The following AGBL4 variants were observed in gnomAD, a reference collection of about 807,000 sequenced individuals.
AGBL4 encodes the protein AGBL carboxypeptidase 4, also known as cytosolic carboxypeptidase 6.
In AGBL4, 58 loss-of-function variants were observed where a neutral mutation model predicts 66.4. That is an observed-to-expected ratio of 0.87 (90% CI 0.71 to 1.09). The LOEUF (loss-of-function observed/expected upper bound fraction) is 1.09, where lower values mean the gene tolerates loss of function less well. AGBL4 is among the 50% of genes least tolerant of loss of function. AGBL4 has a pLI of 0.00. For synonymous variants in AGBL4, 234 were observed against 222.9 expected (o/e 1.05, Z -0.44); for missense variants, 579 against 631.0 (o/e 0.92, Z 0.88).
At chr1:49,828,447 A>G (rs1645567305) in intron 2 of AGBL4, among the ~76,000 whole-genome samples, 1 of 152,182 alleles carries the variant, frequency 6.6e-6, no homozygotes, top group Non-Finnish European at 1.5e-5. Flanking sequence ...GGAGGTGATC[A>G]GAATTCCAGA....
At position 49,437,683 on chromosome 1, in the gene AGBL4, T is replaced by C. The variant is rs531776954; in HGVS notation, c.283-191819A>G. Among the ~76,000 whole-genome samples, 5 of 152,310 alleles carry C rather than the reference T, an allele frequency of 3.3e-5. 1 individual carries two copies. The East Asian group carries it at 9.6e-4, about 29-fold the overall frequency. On this transcript the variant is annotated intron_variant, in intron 3 of 13. Transcript: ENST00000371839. ...AAATCCCAAATCTATGTGTGAAAGT[T>C]GGAGGAAAGGCAACTTTAAGAATGC...
intron 9 of AGBL4, among the ~76,000 whole-genome samples, chr1:48,606,461 G>A (rs1317272873): frequency 6.6e-6 from 1 of 152,116 alleles, no homozygotes; most frequent in African/African-American, 2.4e-5. Flanking sequence ...ATAAAGTCTC[G>A]GTTTCTATGA....
chr1:49,976,498 G>A (rs1013478095), intron 1 of AGBL4, among the ~76,000 whole-genome samples: 1 of 152,146 alleles, frequency 6.6e-6, no homozygotes, highest in Non-Finnish European at 1.5e-5. Flanking sequence ...AAATCACTGG[G>A]TAGCCCATTT....
chr1:49,672,066 CACAG>C (rs1646486750), intron 3 of AGBL4, among the ~76,000 whole-genome samples: 1 of 152,074 alleles, frequency 6.6e-6, no homozygotes, highest in Admixed American at 6.6e-5. Flanking sequence ...TTCACAATAG[CACAG>C]ACATAGAATC....
In AGBL4 at chr1:49,348,243, C is replaced by G. The variant is rs553455436; in HGVS notation, c.283-102379G>C. Among the ~76,000 whole-genome samples, 341 of 152,050 alleles carry G rather than the reference C, an allele frequency of 2.2e-3. 4 individuals are homozygous for G. The highest frequency in any genetic ancestry group is 7.9e-3 in the African/African-American group (328 of 41,496). On this transcript the variant is annotated intron_variant, in intron 3 of 13. Transcript: ENST00000371839. ...ACCATCCTGGTTAACACGGTGAACC[C>G]CTGTCTCTACTAAAAATACAAAAAA...
At chr1:49,051,781 AC>A (rs1252116056) in intron 4 of AGBL4, among the ~76,000 whole-genome samples, 1 of 152,158 alleles carries the variant, frequency 6.6e-6, no homozygotes, top group Non-Finnish European at 1.5e-5. Context: ...TGTCACCAGC[AC>A]ATCTATTCTT....
At chr1:49,207,326 G>A (rs141994875) in intron 4 of AGBL4, among the ~76,000 whole-genome samples, 3 of 152,050 alleles carry the variant, frequency 2.0e-5, no homozygotes, top group Non-Finnish European at 4.4e-5. Context: ...TTTGAGGGAG[G>A]ATCAAAAGCC....
intron 3 of AGBL4, among the ~76,000 whole-genome samples, chr1:49,685,390 G>C (rs1482431303): frequency 6.6e-6 from 1 of 152,090 alleles, no homozygotes; most frequent in Non-Finnish European, 1.5e-5. Flanking sequence ...TATGGTAGAA[G>C]GATTTATATT....
At chr1:49,041,517 A>G (rs1334784977) in intron 5 of AGBL4, among the ~76,000 whole-genome samples, 1 of 152,032 alleles carries the variant, frequency 6.6e-6, no homozygotes, top group African/African-American at 2.4e-5. Context: ...TTGGGTGTTA[A>G]ACTGTCCATC....
chr1:48,955,878 C>G (rs114814254), intron 5 of AGBL4, among the ~76,000 whole-genome samples: 1,650 of 152,320 alleles, frequency 0.011, 32 homozygotes, highest in African/African-American at 0.038. Context: ...AAATGTCCAG[C>G]AAACCATGTG....
At chr1:49,347,556 C>T (rs556422620) in intron 3 of AGBL4, among the ~76,000 whole-genome samples, 7 of 151,958 alleles carry the variant, frequency 4.6e-5, no homozygotes, top group African/African-American at 1.2e-4. Flanking sequence ...TATTTCTTTA[C>T]TTTCTTAATA....
chr1:49,537,660 C>T (rs1202979372), intron 3 of AGBL4, among the ~76,000 whole-genome samples: 1 of 152,300 alleles, frequency 6.6e-6, no homozygotes, highest in East Asian at 1.9e-4. Context: ...CATGGTGGCT[C>T]ACGCCTGTAA....
intron 4 of AGBL4, among the ~76,000 whole-genome samples, chr1:49,088,120 C>T (rs950699513): frequency 6.6e-6 from 1 of 152,076 alleles, no homozygotes; most frequent in Admixed American, 6.6e-5. Context: ...TTCCTGGCCA[C>T]CACAAAAACA....
At chr1:48,794,853 T>C (rs1481530366) in intron 6 of AGBL4, among the ~76,000 whole-genome samples, 1 of 152,172 alleles carries the variant, frequency 6.6e-6, no homozygotes, top group Non-Finnish European at 1.5e-5. Flanking sequence ...GGCATACAGC[T>C]GCTTACTAGA....
At chr1:49,918,402 A>C (rs552043876) in intron 1 of AGBL4, among the ~76,000 whole-genome samples, 79 of 152,304 alleles carry the variant, frequency 5.2e-4, no homozygotes, top group Admixed American at 9.8e-4. Context: ...GATAAAGGGG[A>C]TATCACCACC....
chr1:48,786,636 TG>T (rs2148724401), intron 6 of AGBL4, among the ~76,000 whole-genome samples: 1 of 152,328 alleles, frequency 6.6e-6, no homozygotes, highest in African/African-American at 2.4e-5. Flanking sequence ...ACATTATCTG[TG>T]GTTTCTTAAA....
chr1:49,369,866 TA>T (rs1254736458), intron 3 of AGBL4, among the ~76,000 whole-genome samples: 1 of 151,854 alleles, frequency 6.6e-6, no homozygotes, highest in Non-Finnish European at 1.5e-5. Context: ...GAACTTTAGA[TA>T]AAGCTCACGA....
chr1:49,652,279 A>G (rs1456612647), intron 3 of AGBL4, among the ~76,000 whole-genome samples: 3 of 152,218 alleles, frequency 2.0e-5, no homozygotes, highest in Non-Finnish European at 4.4e-5. Flanking sequence ...AACATATTTG[A>G]GGAAATAATT....
intron 3 of AGBL4, among the ~76,000 whole-genome samples, chr1:49,471,421 G>A (rs1646741825): frequency 6.6e-6 from 1 of 151,844 alleles, no homozygotes; most frequent in Non-Finnish European, 1.5e-5. Flanking sequence ...GGAAGATGGA[G>A]CACATGTATG....
Sources: allele counts gnomAD v4.1 joint callset (sites outside exome capture counted in the v4.1 genomes callset), GRCh38; gene constraint gnomAD v4.1.1; transcripts MANE v1.5; gene names NCBI Gene and HGNC (gene_info 2026-07-23, HGNC 2026-07-21).